The following SP100 variants were observed in gnomAD, a reference collection of about 807,000 sequenced individuals.
The protein encoded by SP100 is nuclear autoantigen Sp-100.
In SP100, 84 loss-of-function variants were observed where a neutral mutation model predicts 130.0. That is an observed-to-expected ratio of 0.65 (90% CI 0.54 to 0.77). The LOEUF is 0.77. Among genes scored for constraint, SP100 ranks in the 30% least tolerant of loss-of-function variants. The pLI is 0.00. For synonymous variants in SP100, 331 were observed against 351.7 expected, an observed-to-expected ratio of 0.94 and a Z score of 0.66; for missense variants, 978 against 1,052.2, an observed-to-expected ratio of 0.93 and a Z score of 0.97.
At chr2:230,511,703 C>T (rs1690601473) in intron 24 of SP100, among the ~76,000 whole-genome samples, 1 of 152,150 alleles carries the variant, frequency 6.6e-6, no homozygotes, top group South Asian at 2.1e-4. Flanking sequence ...CCTATTGCCA[C>T]TCTTGAGGGA....
intron 18 of SP100, among the ~76,000 whole-genome samples, chr2:230,496,756 C>T (rs571051757): frequency 1.3e-5 from 2 of 152,244 alleles, no homozygotes; most frequent in East Asian, 3.9e-4. Flanking sequence ...CCTCAGTCTC[C>T]CAGCTCTGGG....
chr2:230,425,368 T>C (rs928455944), intron 2 of SP100, among the ~76,000 whole-genome samples: 2 of 152,214 alleles, frequency 1.3e-5, no homozygotes, highest in Admixed American at 6.5e-5. Flanking sequence ...CTTTTTTAGA[T>C]TCCTCGGTCT....
intron 24 of SP100, among the ~76,000 whole-genome samples, chr2:230,516,887 T>A (rs1690942727): frequency 6.6e-6 from 1 of 152,200 alleles, no homozygotes; most frequent in Non-Finnish European, 1.5e-5. Flanking sequence ...TAGTGTCCCA[T>A]TAAAACTATT....
intron 24 of SP100, among the ~76,000 whole-genome samples, chr2:230,518,208 T>C (rs936974263): frequency 3.3e-5 from 5 of 152,100 alleles, no homozygotes. Flanking sequence ...TCTTACTGGT[T>C]CCTTTCTTTA....
At chr2:230,525,014 C>A (rs1691355337) in intron 24 of SP100, among the ~76,000 whole-genome samples, 1 of 151,642 alleles carries the variant, frequency 6.6e-6, no homozygotes, top group East Asian at 1.9e-4. Context: ...TAAAAAGGAA[C>A]AAGTAAGTAA....
At chr2:230,534,266 C>T (rs925570098) in intron 24 of SP100, among the ~76,000 whole-genome samples, 8 of 152,068 alleles carry the variant, frequency 5.3e-5, no homozygotes, top group East Asian at 3.9e-4. Context: ...ATTAGCCGGG[C>T]GTGGTGGTGG....
At chr2:230,524,258 G>C (rs1267406783) in intron 24 of SP100, among the ~76,000 whole-genome samples, 1 of 150,344 alleles carries the variant, frequency 6.7e-6, no homozygotes, top group East Asian at 1.9e-4. Context: ...CAGGAGGCTG[G>C]GGCAGGAGAA....
chr2:230,482,605 G>A (rs2065886009), intron 17 of SP100, among the ~76,000 whole-genome samples: 1 of 151,638 alleles, frequency 6.6e-6, no homozygotes. Context: ...CATAATGTAA[G>A]GGTCTAATTT....
In SP100 at chr2:230,540,922, A is replaced by C. The variant is rs1381535199; in HGVS notation, c.2257A>C (p.Arg753=). 4.3e-6 allele frequency: 7 copies of C among 1,613,798 alleles called. No homozygotes were observed. The highest frequency in any genetic ancestry group is 1.3e-5 in the African/African-American group (1 of 74,916). Reference sequence around the variant, plus strand: ...CTGCAGGATAAAGACTATTCAGGAAAGATGCCCAGAAAGCCAATCAGGTCA... The same window carrying C: ...CTGCAGGATAAAGACTATTCAGGAACGATGCCCAGAAAGCCAATCAGGTCA... ...IFCRIKTIQE[R]CPESQSGHQE... Residue 753 remains arginine (R), a synonymous_variant, in exon 26 of 29, where the codon AGA becomes CGA. Transcript: ENST00000340126.
At position 230,539,339 on chromosome 2, in the gene SP100, T is replaced by A; in HGVS notation, c.2167T>A (p.Ser723Thr). ...RLFCCDTCPR[S>T]FHEHCHIPSV... ...GTTCTGCTGCGACACTTGTCCAAGATCCTTTCATGAGCACTGCCACATCCC... is the reference window on the plus strand; with the variant it reads ...GTTCTGCTGCGACACTTGTCCAAGAACCTTTCATGAGCACTGCCACATCCC... Residue 723 changes from serine (S) to threonine (T), a missense_variant, in exon 25 of 29, where the codon TCC becomes ACC. Transcript: ENST00000340126. 1.2e-6 allele frequency: 2 copies of A among 1,613,948 alleles called. No individual in the cohort carries two copies. The highest frequency in any genetic ancestry group is 1.7e-6 in the Non-Finnish European group (2 of 1,179,862).
At chr2:230,441,647 T>C in intron 2 of SP100, among the ~76,000 whole-genome samples, 1 of 152,002 alleles carries the variant, frequency 6.6e-6, no homozygotes, top group Non-Finnish European at 1.5e-5. Context: ...TTATCCCATT[T>C]ATACAAAATC....
At chr2:230,479,787 G>A (rs1307992523) in intron 17 of SP100, among the ~76,000 whole-genome samples, 4 of 152,210 alleles carry the variant, frequency 2.6e-5, no homozygotes, top group Non-Finnish European at 4.4e-5. Flanking sequence ...AATGTTTTTC[G>A]TTGGAGATGA....
At chr2:230,540,708 C>T (rs1692138828) in intron 25 of SP100, among the ~76,000 whole-genome samples, 168 bp from the exon 26 acceptor site, 1 of 152,154 alleles carries the variant, frequency 6.6e-6, no homozygotes, top group Non-Finnish European at 1.5e-5. Context: ...GAGGGCATGC[C>T]TTTGGCTATT....
intron 1 of SP100, chr2:230,416,936 G>A (rs2062615621): frequency 1.0e-6 from 1 of 969,378 alleles, no homozygotes; most frequent in African/African-American, 1.8e-5. Flanking sequence ...CCCAAGATGG[G>A]GGATACCTCT....
Position 230,504,525 on chromosome 2 carries a change from C to T in SP100, c.1870+235C>T, listed in dbSNP as rs143756392. ...CACATGGGGTGAAATTCAGAGACAA[C>T]CAAAAGCAAGCTTCCAGGAGTCCTC... is the stretch of plus-strand genomic sequence containing the variant. On this transcript the variant is annotated intron_variant, in intron 21 of 28. Transcript: ENST00000340126. 3.1e-3 allele frequency among the ~76,000 whole-genome samples: 471 copies of T among 152,270 alleles called. 5 individuals carry two copies. Among genetic ancestry groups the T allele is most frequent in the Non-Finnish European group, 3.5e-3 (237 of 68,016 alleles).
chr2:230,491,557 A>G (rs1463989091), intron 17 of SP100, among the ~76,000 whole-genome samples: 1 of 152,218 alleles, frequency 6.6e-6, no homozygotes, highest in Non-Finnish European at 1.5e-5. Context: ...ATAGAGATGG[A>G]TGCCACCCTT....
chr2:230,429,212 T>C (rs1559482764), intron 2 of SP100, among the ~76,000 whole-genome samples: 1 of 152,232 alleles, frequency 6.6e-6, no homozygotes, highest in Non-Finnish European at 1.5e-5. Flanking sequence ...AGGACAGCTT[T>C]ACCAGGTATA....
At chr2:230,485,218 G>T (rs1204201151) in intron 17 of SP100, among the ~76,000 whole-genome samples, 1 of 152,040 alleles carries the variant, frequency 6.6e-6, no homozygotes, top group Non-Finnish European at 1.5e-5. Context: ...CTCCCAAGTA[G>T]CTGGGATGAC....
chr2:230,514,688 T>C (rs1304287735), intron 24 of SP100, among the ~76,000 whole-genome samples: 2 of 152,236 alleles, frequency 1.3e-5, no homozygotes, highest in African/African-American at 2.4e-5. Context: ...ATTGTCCATA[T>C]AGACTCCTTT....
Sources: allele counts gnomAD v4.1 joint callset (sites outside exome capture counted in the v4.1 genomes callset), GRCh38; gene constraint gnomAD v4.1.1; transcripts MANE v1.5; gene names NCBI Gene and HGNC (gene_info 2026-07-23, HGNC 2026-07-21).